Variants in ATF7IP observed in about 807,000 individuals in gnomAD.
ATF7IP encodes the protein activating transcription factor 7 interacting protein.
A neutral mutation model predicts 106.4 loss-of-function variants in ATF7IP; 23 were observed. That is an observed-to-expected ratio of 0.22 (90% CI 0.16 to 0.31). The LOEUF (loss-of-function observed/expected upper bound fraction) is 0.31, where lower values mean the gene tolerates loss of function less well. Ranked by LOEUF, ATF7IP falls within the 10% of genes least tolerant of loss-of-function variation. The pLI, the probability that ATF7IP is intolerant of heterozygous loss-of-function variation, is 1.00. For synonymous variants in ATF7IP, 542 were observed against 539.0 expected, an observed-to-expected ratio of 1.01 and a Z score of -0.08; for missense variants, 1,334 against 1,524.3, an observed-to-expected ratio of 0.88 and a Z score of 2.08.
At chr12:14,433,040 T>C (rs1444203099) in intron 2 of ATF7IP, among the ~76,000 whole-genome samples, 1 of 152,150 alleles carries the variant, frequency 6.6e-6, no homozygotes, top group African/African-American at 2.4e-5. Context: ...TTGGCAGCAC[T>C]CTTCAGTTGT....
At chr12:14,398,731 T>C (rs1433735792) in intron 1 of ATF7IP, among the ~76,000 whole-genome samples, 2 of 152,050 alleles carry the variant, frequency 1.3e-5, no homozygotes, top group Non-Finnish European at 2.9e-5. Context: ...GTTTTATCAA[T>C]AGGACATATC....
intron 10 of ATF7IP, among the ~76,000 whole-genome samples, chr12:14,467,370 A>G (rs1447071541): frequency 6.6e-6 from 1 of 152,146 alleles, no homozygotes; most frequent in African/African-American, 2.4e-5. Flanking sequence ...AAAACGATGG[A>G]TTTTGACCAA....
At chr12:14,420,932 A>G (rs752305602) in intron 1 of ATF7IP, among the ~76,000 whole-genome samples, 2 of 152,228 alleles carry the variant, frequency 1.3e-5, no homozygotes, top group Admixed American at 6.5e-5. Flanking sequence ...TGACTATCCA[A>G]TGTGAAAACA....
intron 5 of ATF7IP, 39 bp downstream of exon 5, chr12:14,438,306 T>C (rs1481474562): frequency 6.6e-7 from 1 of 1,518,782 alleles, no homozygotes; most frequent in Admixed American, 2.0e-5. Flanking sequence ...CCATGTGTCA[T>C]TGTTTTTATA....
At chr12:14,372,479 C>T (rs1218430251) in intron 1 of ATF7IP, among the ~76,000 whole-genome samples, 2 of 147,636 alleles carry the variant, frequency 1.4e-5, no homozygotes, top group East Asian at 2.0e-4. Context: ...AAAAAAAATA[C>T]CATAGGCCTA....
intron 1 of ATF7IP, among the ~76,000 whole-genome samples, chr12:14,377,817 T>C (rs1938817279): frequency 6.6e-6 from 1 of 151,738 alleles, no homozygotes; most frequent in Admixed American, 6.6e-5. Context: ...TTTCACCATG[T>C]TGGTCAGGCT....
At chr12:14,474,615 G>A (rs1006637371) in intron 10 of ATF7IP, among the ~76,000 whole-genome samples, 6 of 151,900 alleles carry the variant, frequency 3.9e-5, no homozygotes, top group Non-Finnish European at 8.8e-5. Context: ...TGGCCAGGCT[G>A]GTCTCAAACT....
chr12:14,422,312 TACACACACACACACACACAC>T (rs59503201), intron 1 of ATF7IP, among the ~76,000 whole-genome samples: 4 of 142,336 alleles, frequency 2.8e-5, no homozygotes, highest in Non-Finnish European at 4.6e-5. Flanking sequence ...AAAAAGAGAA[TACACACACACACACACACAC>T]ACACACACAC....
intron 1 of ATF7IP, among the ~76,000 whole-genome samples, chr12:14,374,301 T>TG (rs1252082897): frequency 7.6e-6 from 1 of 131,722 alleles, no homozygotes; most frequent in Non-Finnish European, 1.6e-5. Flanking sequence ...TTTGTGGAGA[T>TG]GGGGGTCTTG....
Position 14,460,800 on chromosome 12 carries a change from C to G in ATF7IP, c.2464C>G (p.Pro822Ala). 1 of 1,614,166 alleles carries G rather than the reference C, an allele frequency of 6.2e-7. No individual in the cohort carries two copies. Among genetic ancestry groups the G allele is most frequent in the Non-Finnish European group, 8.5e-7 (1 of 1,180,018 alleles). The change falls in exon 9 of 15, where the codon CCA becomes GCA. Residue 822 changes from proline to alanine, a missense_variant. Physicochemically the swap from Pro to Ala is conservative, Grantham distance 27. Transcript: ENST00000261168. The part of the protein sequence containing the change: ...GNVEFISVQS[P>A]PTVSGLTKNP... ...TGTTGAATTCATTTCTGTGCAAAGC[C>G]CACCTACAGTGAGTGGTCTTACCAA...
intron 12 of ATF7IP, among the ~76,000 whole-genome samples, chr12:14,480,304 A>G (rs1157961573): frequency 6.6e-6 from 1 of 152,204 alleles, no homozygotes; most frequent in Non-Finnish European, 1.5e-5. Context: ...TATTATAGAT[A>G]CATGCTGTCA....
intron 1 of ATF7IP, among the ~76,000 whole-genome samples, chr12:14,366,902 A>G (rs1938321891): frequency 6.6e-6 from 1 of 152,126 alleles, no homozygotes; most frequent in Non-Finnish European, 1.5e-5. Flanking sequence ...GTTGTGTTTG[A>G]TTTTTTAATT....
chr12:14,470,519 T>G (rs1425471975), intron 10 of ATF7IP, among the ~76,000 whole-genome samples: 1 of 152,224 alleles, frequency 6.6e-6, no homozygotes, highest in Non-Finnish European at 1.5e-5. Flanking sequence ...CTCTGTTTGT[T>G]CATTTCCACC....
rs898798977 is a variant in ATF7IP, at chr12:14,500,346, C to T, written c.*2273C>T. On this transcript the variant is annotated 3_prime_UTR_variant, in exon 15 of 15. Coordinates refer to ENST00000261168, the MANE Select transcript of ATF7IP (RefSeq NM_018179.5). Reference sequence around the variant, plus strand: ...TTGCCAAAAAATTAATTCTCCAAACCACCTTTCACTCTCAGAAAATGAGAC... The same window carrying T: ...TTGCCAAAAAATTAATTCTCCAAACTACCTTTCACTCTCAGAAAATGAGAC... 1 of 152,096 alleles carries T rather than the reference C, an allele frequency of 6.6e-6. No homozygotes were observed. Among genetic ancestry groups the T allele is most frequent in the African/African-American group, 2.4e-5 (1 of 41,422 alleles). 9.4% of individuals were successfully genotyped at this position (152,096 alleles called of 1,614,324 possible).
chr12:14,456,011 A>T (rs1315788845), intron 6 of ATF7IP, among the ~76,000 whole-genome samples: 1 of 152,198 alleles, frequency 6.6e-6, no homozygotes, highest in Non-Finnish European at 1.5e-5. Flanking sequence ...AGGCTGAAAT[A>T]AGTTGTTACT....
chr12:14,481,073 T>G lies in ATF7IP; in HGVS notation c.3168T>G (p.Ala1056=), dbSNP rs1396975773. The change falls in exon 13 of 15, where the codon GCT becomes GCG. Residue 1056 remains alanine (A), a synonymous_variant. Transcript: ENST00000261168. ...QVTTRLPVPR[A]PANHQVVYTT... is the part of the protein sequence containing the mutation. ...CCACAAGACTCCCTGTACCAAGAGC[T>G]CCTGCAAACCACCAGGTGGTTTATA... The G allele has an allele frequency of 1.2e-6, 2 of 1,613,950 alleles. No individual in the cohort carries two copies. The highest frequency in any genetic ancestry group is 1.7e-5 in the Admixed American group (1 of 59,988).
At chr12:14,415,332 T>C (rs1221267525) in intron 1 of ATF7IP, among the ~76,000 whole-genome samples, 1 of 152,240 alleles carries the variant, frequency 6.6e-6, no homozygotes, top group East Asian at 1.9e-4. Context: ...AGGTATCTTA[T>C]GTTTTTATCA....
At chr12:14,456,086 T>A (rs1296990858) in intron 6 of ATF7IP, among the ~76,000 whole-genome samples, 1 of 152,154 alleles carries the variant, frequency 6.6e-6, no homozygotes, top group East Asian at 1.9e-4. Flanking sequence ...AGTATTTTTT[T>A]AAAAAACAAC....
intron 13 of ATF7IP, among the ~76,000 whole-genome samples, chr12:14,493,916 C>G (rs1254709889): frequency 6.6e-6 from 1 of 151,998 alleles, no homozygotes; most frequent in Admixed American, 6.6e-5. Flanking sequence ...CATTTTCTTT[C>G]ATCACTTTTT....
Sources: allele counts gnomAD v4.1 joint callset (sites outside exome capture counted in the v4.1 genomes callset), GRCh38; gene constraint gnomAD v4.1.1; transcripts MANE v1.5; gene names NCBI Gene and HGNC (gene_info 2026-07-23, HGNC 2026-07-21).